The following KDELR2 variants were observed in gnomAD, a reference collection of about 807,000 sequenced individuals.
KDELR2 encodes the protein ER lumen protein-retaining receptor 2.
A neutral mutation model predicts 23.9 loss-of-function variants in KDELR2; 15 were observed. The observed-to-expected ratio is 0.63, with a 90% CI of 0.42 to 0.97. The LOEUF is 0.97. KDELR2 is among the 50% of genes least tolerant of loss of function. The probability of loss-of-function intolerance (pLI) is 0.00; values close to 1 mark genes in which losing one functional copy is unlikely to be tolerated. For synonymous variants in KDELR2, 119 were observed against 106.2 expected, an observed-to-expected ratio of 1.12 and a Z score of -0.74; for missense variants, 272 against 254.6, an observed-to-expected ratio of 1.07 and a Z score of -0.46.
chr7:6,474,063 C>G (rs1193578463), intron 2 of KDELR2, 121 bp downstream of exon 2: 2 of 625,818 alleles, frequency 3.2e-6, no homozygotes, highest in Non-Finnish European at 2.8e-6. Context: ...AAGTCAAGAA[C>G]AGCATATTAA....
intron 1 of KDELR2, among the ~76,000 whole-genome samples, chr7:6,475,437 T>C (rs866519158): frequency 8.5e-5 from 13 of 152,142 alleles, no homozygotes; most frequent in African/African-American, 3.1e-4. Flanking sequence ...AAAAATAAAT[T>C]AATTACAATA....
rs760759311 is a variant in KDELR2, at chr7:6,466,290, C to G, written c.385G>C (p.Val129Leu). 2 of 1,613,892 alleles carry G rather than the reference C, an allele frequency of 1.2e-6. No individual in the cohort carries two copies. The highest frequency in any genetic ancestry group is 1.7e-6 in the Non-Finnish European group (2 of 1,179,992). ...ATAAATAGCTGCGGAAGGATAGCCA[C>G]GGACTCCAGGTAGATGGAGAAGGTC... is the stretch of plus-strand genomic sequence containing the variant. ...LWTFSIYLES[V>L]AILPQLFMIS... Residue 129 changes from valine to leucine, a missense_variant, in exon 4 of 5, where the codon GTG becomes CTG. Val to Leu is a conservative substitution (Grantham distance 32). Coordinates refer to ENST00000258739, the MANE Select transcript of KDELR2 (RefSeq NM_006854.4).
chr7:6,471,176 GTTTT>G lies in KDELR2; in HGVS notation c.193-1426_193-1423del, dbSNP rs1161325162. On this transcript the variant is annotated intron_variant, in intron 2 of 4. Coordinates refer to ENST00000258739, the MANE Select transcript of KDELR2 (RefSeq NM_006854.4). ...AAATGTATAGCTCACATTTGTTTCG[GTTTT>G]TTTTTTTTTTTTTTTTTTTGAGATG... Among the ~76,000 whole-genome samples the G allele has an allele frequency of 1.2e-3, 87 of 72,602 alleles. 1 individual carries two copies. The East Asian group carries it at 0.023, about 19-fold the overall frequency. The allele number at this position is 72,602 out of a possible 152,430, so 47.6% of individuals were successfully genotyped here.
At chr7:6,469,553 C>A (rs369779391) in intron 3 of KDELR2, 43 bp downstream of exon 3, 1 of 1,589,058 alleles carries the variant, frequency 6.3e-7, no homozygotes, top group Non-Finnish European at 8.6e-7. Flanking sequence ...GGATTACAGG[C>A]ATGAGCCACC....
chr7:6,482,650 A>C (rs1482520017), intron 1 of KDELR2: 3 of 458,898 alleles, frequency 6.5e-6, no homozygotes, highest in South Asian at 1.6e-5. Context: ...TTTAGAAATA[A>C]ATCAGGTAAA....
chr7:6,474,854 C>A (rs1268426413), intron 1 of KDELR2, among the ~76,000 whole-genome samples: 14 of 152,102 alleles, frequency 9.2e-5, no homozygotes, highest in Admixed American at 7.9e-4. Context: ...TTTTTGTTCA[C>A]CATGTTGCCC....
intron 2 of KDELR2, among the ~76,000 whole-genome samples, chr7:6,472,594 A>C (rs1221528795): frequency 6.6e-6 from 1 of 152,184 alleles, no homozygotes; most frequent in African/African-American, 2.4e-5. Flanking sequence ...CTAGGTTCCC[A>C]TCATTTGGTA....
chr7:6,468,990 C>T (rs1170522949), intron 3 of KDELR2, among the ~76,000 whole-genome samples: 10 of 151,148 alleles, frequency 6.6e-5, no homozygotes, highest in South Asian at 2.1e-4. Context: ...CTTACTCTCT[C>T]GCCCAGGCTG....
At position 6,466,279 on chromosome 7, in the gene KDELR2, A is replaced by C; in HGVS notation, c.396T>G (p.Leu132=). The part of the protein sequence containing the change: ...FSIYLESVAI[L]PQLFMISKTG... ...TCTTGCTGATCATAAATAGCTGCGG[A>C]AGGATAGCCACGGACTCCAGGTAGA... Residue 132 remains leucine, a synonymous_variant, in exon 4 of 5, where the codon CTT becomes CTG. Transcript: ENST00000258739. 10 of 1,614,052 alleles carry C rather than the reference A, an allele frequency of 6.2e-6. No homozygotes were observed. The highest frequency in any genetic ancestry group is 8.5e-6 in the Non-Finnish European group (10 of 1,179,982).
chr7:6,482,965 A>G (rs1785935411), intron 1 of KDELR2, among the ~76,000 whole-genome samples: 1 of 151,584 alleles, frequency 6.6e-6, no homozygotes, highest in East Asian at 1.9e-4. Flanking sequence ...GTGATCACAC[A>G]CTGCACTCAA....
chr7:6,482,241 C>T (rs970978339), intron 1 of KDELR2, among the ~76,000 whole-genome samples: 1 of 152,112 alleles, frequency 6.6e-6, no homozygotes, highest in African/African-American at 2.4e-5. Flanking sequence ...TCAGGTGATC[C>T]ACCTGCCTCG....
chr7:6,462,088 AAAC>A lies in KDELR2; in HGVS notation c.*1050_*1052del, dbSNP rs753631550. The A allele has an allele frequency of 2.0e-4, 31 of 152,324 alleles. No homozygotes were observed. The East Asian group carries it at 5.6e-3, about 27-fold the overall frequency. 9.4% of individuals were successfully genotyped at this position (152,324 alleles called of 1,614,324 possible). A position where few individuals can be genotyped will look rare whatever the true frequency, so the allele number is the denominator to read the frequency against. ...AGTCATGCAACAGCTCTGTAAAACA[AAAC>A]AAAACAAGAAACTACGATGTCGGCT... On this transcript the variant is annotated 3_prime_UTR_variant, in exon 5 of 5. Transcript: ENST00000258739.
intron 2 of KDELR2, among the ~76,000 whole-genome samples, chr7:6,473,554 T>A (rs1006425433): frequency 6.6e-6 from 1 of 151,974 alleles, no homozygotes; most frequent in Non-Finnish European, 1.5e-5. Flanking sequence ...TTAGAAAAAA[T>A]ATAAGAAAGA....
At position 6,464,742 on chromosome 7, in the gene KDELR2, T is replaced by C. The variant is rs1298635131; in HGVS notation, c.604+1329A>G. ...TATATGCTCTTTTTTTTCTTTTTTTTTTTTTTTTTTGAGACAGAGTTTTGC... is the reference window on the plus strand; with the variant it reads ...TATATGCTCTTTTTTTTCTTTTTTTCTTTTTTTTTTGAGACAGAGTTTTGC... On this transcript the variant is annotated intron_variant, in intron 4 of 4. Transcript: ENST00000258739. Among the ~76,000 whole-genome samples the C allele has an allele frequency of 4.7e-4, 70 of 149,874 alleles. No homozygotes were observed. In the Middle Eastern group the frequency reaches 0.014, roughly 29 times the overall value.
chr7:6,475,072 G>A (rs980870821), intron 1 of KDELR2, among the ~76,000 whole-genome samples: 1 of 152,160 alleles, frequency 6.6e-6, no homozygotes, highest in Admixed American at 6.5e-5. Flanking sequence ...AGGAACTCCC[G>A]CTGGAATAAT....
chr7:6,472,502 C>A (rs533672301), intron 2 of KDELR2, among the ~76,000 whole-genome samples: 1 of 152,194 alleles, frequency 6.6e-6, no homozygotes, highest in Non-Finnish European at 1.5e-5. Flanking sequence ...CTTGCTCACA[C>A]ACCTCTAATG....
intron 1 of KDELR2, chr7:6,482,478 G>T: frequency 2.3e-6 from 1 of 428,628 alleles, no homozygotes; most frequent in South Asian, 1.7e-5. Flanking sequence ...TAACCTCCAA[G>T]TCAAACACAC....
At chr7:6,483,223 G>C (rs2115337072) in intron 1 of KDELR2, among the ~76,000 whole-genome samples, 1 of 152,238 alleles carries the variant, frequency 6.6e-6, no homozygotes, top group East Asian at 1.9e-4. Context: ...GTCCCCGGGC[G>C]CCGCAGTTTT....
At chr7:6,480,066 C>A (rs2115334393) in intron 1 of KDELR2, among the ~76,000 whole-genome samples, 1 of 152,278 alleles carries the variant, frequency 6.6e-6, no homozygotes, top group Non-Finnish European at 1.5e-5. Context: ...AGTTTACAAC[C>A]TACATAACAG....
Sources: allele counts gnomAD v4.1 joint callset (sites outside exome capture counted in the v4.1 genomes callset), GRCh38; gene constraint gnomAD v4.1.1; transcripts MANE v1.5; gene names NCBI Gene and HGNC (gene_info 2026-07-23, HGNC 2026-07-21).